The following DNAH6 variants were observed in gnomAD, a reference collection of about 807,000 sequenced individuals.
DNAH6 encodes dynein axonemal heavy chain 6, also known as axonemal beta dynein heavy chain 6.
DNAH6 carries 340 observed loss-of-function variants against 491.4 expected under a neutral mutation model. The observed-to-expected ratio is 0.69, with a 90% CI of 0.63 to 0.76. DNAH6 has a LOEUF of 0.76. Among genes scored for constraint, DNAH6 ranks in the 30% least tolerant of loss-of-function variants. DNAH6 has a pLI of 0.00. For synonymous variants in DNAH6, 1,603 were observed against 1,686.1 expected (o/e 0.95, Z 1.21); for missense variants, 4,443 against 4,972.2 (o/e 0.89, Z 3.20).
At chr2:84,579,796 A>T in intron 14 of DNAH6, 117 bp downstream of exon 14, 1 of 847,388 alleles carries the variant, frequency 1.2e-6, no homozygotes, top group Non-Finnish European at 1.7e-6. Flanking sequence ...TATCAGAAAC[A>T]CTTTCAAAGT....
Position 84,685,904 on chromosome 2 carries a change from G to T in DNAH6, c.7063+432G>T, listed in dbSNP as rs1304117441. 2.6e-5 allele frequency among the ~76,000 whole-genome samples: 4 copies of T among 152,104 alleles called. No homozygotes were observed. In the South Asian group the frequency reaches 8.3e-4, roughly 31 times the overall value. On this transcript the variant is annotated intron_variant, in intron 43 of 76. Coordinates refer to ENST00000389394, the MANE Select transcript of DNAH6 (RefSeq NM_001370.2). ...AGCATTTTGTCTGATAAGAAGCCAG[G>T]ATAGGCCAGGCGCAGTGGTCATGCC...
chr2:84,541,349 C>T (rs761163555), intron 4 of DNAH6, among the ~76,000 whole-genome samples: 4 of 152,160 alleles, frequency 2.6e-5, no homozygotes, highest in Non-Finnish European at 4.4e-5. Flanking sequence ...CCTCACCCTG[C>T]GGCCCCTTCT....
chr2:84,768,463 A>C (rs1675295687), intron 64 of DNAH6, among the ~76,000 whole-genome samples: 1 of 152,032 alleles, frequency 6.6e-6, no homozygotes, highest in Non-Finnish European at 1.5e-5. Context: ...TGAATTTGAA[A>C]ATTTTAGTGA....
the DNAH6 span, among the ~76,000 whole-genome samples, chr2:84,492,720 A>C: frequency 6.6e-6 from 1 of 152,162 alleles, no homozygotes; most frequent in Non-Finnish European, 1.5e-5. Flanking sequence ...TTATCCAAAT[A>C]CCTAAGTGCC....
chr2:84,485,953 T>C, the DNAH6 span, among the ~76,000 whole-genome samples: 1 of 152,020 alleles, frequency 6.6e-6, no homozygotes, highest in Non-Finnish European at 1.5e-5. Flanking sequence ...GAAGCAGAAT[T>C]GAAACAAAAG....
At chr2:84,488,423 A>C in the DNAH6 span, among the ~76,000 whole-genome samples, 1 of 152,052 alleles carries the variant, frequency 6.6e-6, no homozygotes, top group East Asian at 1.9e-4. Context: ...AAAAATTAAA[A>C]AAAAGAAATC....
rs146578299 is a variant in DNAH6, at chr2:84,766,139, G to A, written c.10703+3194G>A. On this transcript the variant is annotated intron_variant, in intron 64 of 76. Coordinates refer to ENST00000389394, the MANE Select transcript of DNAH6 (RefSeq NM_001370.2). ...TAATATGGAAAATTTTAACACATCC[G>A]ATAGAAACTGTCATGAAGCAAACAA... is the stretch of plus-strand genomic sequence containing the variant. 2.8e-3 allele frequency among the ~76,000 whole-genome samples: 433 copies of A among 152,064 alleles called. 5 individuals are homozygous for A. The highest frequency in any genetic ancestry group is 0.022 in the Admixed American group (343 of 15,276).
intron 29 of DNAH6, among the ~76,000 whole-genome samples, 152 bp downstream of exon 29, chr2:84,625,215 C>A (rs1342258002): frequency 2.0e-5 from 3 of 151,926 alleles, no homozygotes; most frequent in Non-Finnish European, 4.4e-5. Flanking sequence ...ATAAATAGAG[C>A]AAGGGAGAAG....
chr2:84,668,865 T>C (rs958653786), intron 37 of DNAH6, among the ~76,000 whole-genome samples: 2 of 145,860 alleles, frequency 1.4e-5, no homozygotes, highest in Admixed American at 6.9e-5. Flanking sequence ...TGTATGATTG[T>C]AATAAACTCC....
intron 37 of DNAH6, 144 bp downstream of exon 37, chr2:84,659,313 A>G (rs1190382151): frequency 2.9e-5 from 14 of 477,514 alleles, no homozygotes; most frequent in Non-Finnish European, 3.3e-6. Context: ...TTTTCCAACC[A>G]TAGACAACAT....
At chr2:84,737,983 T>G (rs185316789) in intron 62 of DNAH6, among the ~76,000 whole-genome samples, 1 of 152,150 alleles carries the variant, frequency 6.6e-6, no homozygotes, top group South Asian at 2.1e-4. Context: ...ATGTAGTTTT[T>G]CAGTGCTATA....
At chr2:84,554,013 G>T (rs59791649) in intron 10 of DNAH6, among the ~76,000 whole-genome samples, 1 of 152,186 alleles carries the variant, frequency 6.6e-6, no homozygotes, top group African/African-American at 2.4e-5. Context: ...GTAGGACTGA[G>T]ATCCCCATTT....
intron 60 of DNAH6, among the ~76,000 whole-genome samples, chr2:84,726,331 G>A (rs907014734): frequency 3.3e-5 from 5 of 152,154 alleles, no homozygotes; most frequent in African/African-American, 1.2e-4. Context: ...TCCTGAGACT[G>A]CAAACACATG....
intron 63 of DNAH6, among the ~76,000 whole-genome samples, chr2:84,747,762 A>G (rs1261931029): frequency 6.6e-6 from 1 of 152,142 alleles, no homozygotes; most frequent in Non-Finnish European, 1.5e-5. Context: ...TTCTTCCTGG[A>G]CACCCAGGCT....
chr2:84,767,536 G>GTA (rs934618755), intron 64 of DNAH6, among the ~76,000 whole-genome samples: 2 of 151,326 alleles, frequency 1.3e-5, no homozygotes, highest in South Asian at 2.1e-4. Flanking sequence ...AAAAAAAAAT[G>GTA]TATATATATA....
At chr2:84,722,196 C>A (rs1017887017) in intron 59 of DNAH6, among the ~76,000 whole-genome samples, 1 of 152,192 alleles carries the variant, frequency 6.6e-6, no homozygotes, top group African/African-American at 2.4e-5. Flanking sequence ...CACTGCCTCC[C>A]AGCCACTCTC....
chr2:84,751,803 G>A (rs1673499354), intron 63 of DNAH6, among the ~76,000 whole-genome samples: 1 of 152,188 alleles, frequency 6.6e-6, no homozygotes. Flanking sequence ...CAGACTCCTG[G>A]GGCCCATCCC....
At chr2:84,717,245 G>A (rs571875873) in intron 58 of DNAH6, among the ~76,000 whole-genome samples, 3 of 152,178 alleles carry the variant, frequency 2.0e-5, no homozygotes, top group Admixed American at 2.0e-4. Context: ...CTCTCAAGCT[G>A]TTTCCTGAGC....
At position 84,727,784 on chromosome 2, in the gene DNAH6, T is replaced by A; in HGVS notation, c.10088T>A (p.Phe3363Tyr). The change falls in exon 61 of 77, where the codon TTT (phenylalanine) becomes TAT (tyrosine). Residue 3363 changes from phenylalanine to tyrosine, a missense_variant. Coordinates refer to ENST00000389394, the MANE Select transcript of DNAH6 (RefSeq NM_001370.2). ...TAYVNVSRGLFEQHKLIYSFM... is the reference protein window; with the variant it reads ...TAYVNVSRGLYEQHKLIYSFM... ...TATGTCAATGTTTCAAGAGGACTTTTTGAGCAACATAAACTCATCTACAGC... is the reference window on the plus strand; with the variant it reads ...TATGTCAATGTTTCAAGAGGACTTTATGAGCAACATAAACTCATCTACAGC... The A allele has an allele frequency of 6.4e-7, 1 of 1,551,704 alleles. No homozygotes were observed. The highest frequency in any genetic ancestry group is 8.7e-7 in the Non-Finnish European group (1 of 1,146,824).
Sources: gnomAD v4.1 joint callset for allele counts (sites outside exome capture counted in the v4.1 genomes callset) on GRCh38, gnomAD v4.1.1 for gene constraint, MANE v1.5 for transcripts, NCBI Gene and HGNC (gene_info 2026-07-23, HGNC 2026-07-21) for gene names.